Variants in MAML3 observed in about 807,000 individuals in gnomAD.
The protein encoded by MAML3 is mastermind-like protein 3.
MAML3 carries 27 observed loss-of-function variants against 101.9 expected under a neutral mutation model. That is an observed-to-expected ratio of 0.27 (90% CI 0.20 to 0.37). The LOEUF (loss-of-function observed/expected upper bound fraction) is 0.37. Ranked by LOEUF, MAML3 falls within the 10% of genes least tolerant of loss-of-function variation. The pLI is 1.00. For synonymous variants in MAML3, 501 were observed against 555.9 expected, an observed-to-expected ratio of 0.90 and a Z score of 1.39; for missense variants, 1,316 against 1,444.9, an observed-to-expected ratio of 0.91 and a Z score of 1.45.
intron 2 of MAML3, chr4:139,889,122 G>T (rs1216529687): frequency 1.3e-6 from 1 of 793,972 alleles, no homozygotes; most frequent in African/African-American, 1.7e-5. Context: ...GGGAATAAAA[G>T]AAGTTTGATT....
At chr4:139,744,115 G>C (rs1292553364) in intron 2 of MAML3, among the ~76,000 whole-genome samples, 1 of 152,224 alleles carries the variant, frequency 6.6e-6, no homozygotes. Context: ...GGAACCTAGA[G>C]AGGTCTGGAA....
intron 1 of MAML3, among the ~76,000 whole-genome samples, chr4:140,002,643 G>A (rs933394559): frequency 6.6e-6 from 1 of 152,032 alleles, no homozygotes; most frequent in Non-Finnish European, 1.5e-5. Flanking sequence ...TACTTATTAC[G>A]CAGCAACCTC....
At chr4:139,973,810 T>G (rs911931036) in intron 1 of MAML3, among the ~76,000 whole-genome samples, 3 of 152,174 alleles carry the variant, frequency 2.0e-5, no homozygotes, top group Admixed American at 1.3e-4. Flanking sequence ...ACCACTTGCT[T>G]TGATAAATCT....
At chr4:139,863,834 T>TTTTTTTTG (rs1731836842) in intron 2 of MAML3, among the ~76,000 whole-genome samples, 1 of 31,684 alleles carries the variant, frequency 3.2e-5, no homozygotes, top group Non-Finnish European at 5.5e-5. Context: ...GAACATGGGT[T>TTTTTTTTG]TTTTTTTTTT....
intron 2 of MAML3, among the ~76,000 whole-genome samples, chr4:139,771,367 C>T (rs111680496): frequency 0.039 from 5,958 of 152,246 alleles, 146 homozygotes; most frequent in South Asian, 0.081. Context: ...CTAACTATTC[C>T]AGTGACCAGC....
chr4:140,107,370 C>A (rs1418663537), intron 1 of MAML3, among the ~76,000 whole-genome samples: 1 of 152,074 alleles, frequency 6.6e-6, no homozygotes, highest in Non-Finnish European at 1.5e-5. Flanking sequence ...ACCATTGAGT[C>A]CTTTGACTGT....
intron 2 of MAML3, among the ~76,000 whole-genome samples, chr4:139,856,691 A>G (rs1021627225): frequency 4.6e-5 from 7 of 152,218 alleles, no homozygotes; most frequent in Non-Finnish European, 8.8e-5. Flanking sequence ...GAAAATCGGC[A>G]ATCTTTCACC....
At chr4:139,808,721 C>T (rs1305266045) in intron 2 of MAML3, among the ~76,000 whole-genome samples, 1 of 152,212 alleles carries the variant, frequency 6.6e-6, no homozygotes, top group Non-Finnish European at 1.5e-5. Context: ...CCAAACTGTA[C>T]TCAGAATAAT....
chr4:139,958,808 G>C (rs151257110), intron 1 of MAML3, among the ~76,000 whole-genome samples: 37 of 152,256 alleles, frequency 2.4e-4, no homozygotes, highest in African/African-American at 8.4e-4. Context: ...CTAATATCAG[G>C]ACCAAAATGA....
chr4:139,941,375 CAA>C (rs1261207864), intron 1 of MAML3, among the ~76,000 whole-genome samples: 3 of 152,184 alleles, frequency 2.0e-5, no homozygotes, highest in Admixed American at 2.0e-4. Context: ...GTTTCTGAAA[CAA>C]AGTCATCAAC....
At chr4:139,886,308 CT>C (rs1732338139) in intron 2 of MAML3, among the ~76,000 whole-genome samples, 1 of 152,048 alleles carries the variant, frequency 6.6e-6, no homozygotes, top group Admixed American at 6.6e-5. Context: ...GAAGGGTAAA[CT>C]TTTTTAAGTA....
intron 2 of MAML3, among the ~76,000 whole-genome samples, chr4:139,865,423 CCTT>C (rs1389489798): frequency 6.6e-6 from 1 of 151,884 alleles, no homozygotes; most frequent in African/African-American, 2.4e-5. Flanking sequence ...CCAAAACCAT[CCTT>C]CTTTTGCCTT....
intron 1 of MAML3, among the ~76,000 whole-genome samples, chr4:140,053,956 A>G (rs1727311205): frequency 6.6e-6 from 1 of 152,242 alleles, no homozygotes; most frequent in South Asian, 2.1e-4. Context: ...TCAAGTGGTT[A>G]AAACTGTGGT....
At chr4:139,966,391 A>G (rs1734130784) in intron 1 of MAML3, among the ~76,000 whole-genome samples, 1 of 152,204 alleles carries the variant, frequency 6.6e-6, no homozygotes, top group Admixed American at 6.5e-5. Flanking sequence ...TCCAGATGTT[A>G]GGAACTAGAA....
At chr4:140,055,872 G>A (rs1727341135) in intron 1 of MAML3, among the ~76,000 whole-genome samples, 1 of 150,674 alleles carries the variant, frequency 6.6e-6, no homozygotes, top group Non-Finnish European at 1.5e-5. Context: ...AAAAAAAAAA[G>A]GTAAGAAATA....
chr4:139,721,016 A>G (rs953267568), intron 4 of MAML3, among the ~76,000 whole-genome samples: 8 of 152,242 alleles, frequency 5.3e-5, no homozygotes, highest in African/African-American at 1.9e-4. Context: ...GATTCTCTGA[A>G]TCATAACTTG....
intron 1 of MAML3, among the ~76,000 whole-genome samples, chr4:140,110,501 C>T (rs569753866): frequency 5.9e-4 from 90 of 152,312 alleles, no homozygotes; most frequent in African/African-American, 2.1e-3. Context: ...ACTGCATATT[C>T]CTGGTGGTGG....
At chr4:140,150,928 C>G (rs1410520437) in intron 1 of MAML3, among the ~76,000 whole-genome samples, 1 of 150,784 alleles carries the variant, frequency 6.6e-6, no homozygotes, top group Non-Finnish European at 1.5e-5. Context: ...CGTTCTTCCT[C>G]AAAACCAACC....
intron 1 of MAML3, among the ~76,000 whole-genome samples, chr4:140,050,115 C>T (rs1417997304): frequency 1.3e-5 from 2 of 152,046 alleles, no homozygotes; most frequent in African/African-American, 4.8e-5. Context: ...TATAACAGGG[C>T]TCATTGCCAA....
Sources: allele counts gnomAD v4.1 joint callset (sites outside exome capture counted in the v4.1 genomes callset), GRCh38; gene constraint gnomAD v4.1.1; transcripts MANE v1.5; gene names NCBI Gene and HGNC (gene_info 2026-07-23, HGNC 2026-07-21).